The following MME variants were observed in gnomAD, a reference collection of about 807,000 sequenced individuals.
MME encodes neprilysin.
MME carries 98 observed loss-of-function variants against 113.2 expected under a neutral mutation model. That is an observed-to-expected ratio of 0.87 (90% CI 0.74 to 1.02). The LOEUF (loss-of-function observed/expected upper bound fraction) is 1.02. Among genes scored for constraint, MME ranks in the 50% least tolerant of loss-of-function variants. The probability of loss-of-function intolerance (pLI) is 0.00; values close to 1 mark genes in which losing one functional copy is unlikely to be tolerated. For synonymous variants in MME, 292 were observed against 300.6 expected, an observed-to-expected ratio of 0.97 and a Z score of 0.30; for missense variants, 836 against 896.0, an observed-to-expected ratio of 0.93 and a Z score of 0.86.
At chr3:155,146,736 T>G (rs1035793262) in intron 14 of MME, among the ~76,000 whole-genome samples, 7 of 152,154 alleles carry the variant, frequency 4.6e-5, no homozygotes, top group Non-Finnish European at 4.4e-5. Flanking sequence ...CCCATATCTG[T>G]TTTCTCAGTC....
At chr3:155,104,756 C>T (rs1717551696) in intron 3 of MME, among the ~76,000 whole-genome samples, 1 of 152,152 alleles carries the variant, frequency 6.6e-6, no homozygotes, top group African/African-American at 2.4e-5. Context: ...AACAATGTAG[C>T]CTTTTCATGA....
At chr3:155,090,483 TA>T (rs1716193003) in intron 3 of MME, 2 of 152,112 alleles carry the variant, frequency 1.3e-5, no homozygotes, top group African/African-American at 4.8e-5. Context: ...CAATAATTAA[TA>T]AAAAATAAAA....
intron 8 of MME, among the ~76,000 whole-genome samples, chr3:155,124,429 A>T (rs1484291997): frequency 6.6e-6 from 1 of 151,860 alleles, no homozygotes; most frequent in Non-Finnish European, 1.5e-5. Flanking sequence ...CGTCAAAGTC[A>T]TTCTCCATCC....
chr3:155,151,206 T>TA (rs1472329032), intron 16 of MME, among the ~76,000 whole-genome samples: 1 of 152,214 alleles, frequency 6.6e-6, no homozygotes, highest in Non-Finnish European at 1.5e-5. Flanking sequence ...AGCCCGTAGT[T>TA]ACATCTTAGA....
chr3:155,168,282 G>A (rs1246713771), intron 18 of MME, among the ~76,000 whole-genome samples: 1 of 152,118 alleles, frequency 6.6e-6, no homozygotes, highest in Non-Finnish European at 1.5e-5. Context: ...GAAATGTCTG[G>A]GTCAATGCTG....
upstream of MME, among the ~76,000 whole-genome samples, chr3:155,075,878 G>A (rs570910107): frequency 5.9e-5 from 9 of 152,154 alleles, no homozygotes; most frequent in East Asian, 3.9e-4. Flanking sequence ...TACACACCCC[G>A]TTGTCTGGTT....
chr3:155,151,764 A>G (rs1721951444), intron 16 of MME, among the ~76,000 whole-genome samples: 1 of 152,004 alleles, frequency 6.6e-6, no homozygotes, highest in Non-Finnish European at 1.5e-5. Context: ...TCAAATCTCC[A>G]TTTTAAAAAA....
intron 3 of MME, among the ~76,000 whole-genome samples, chr3:155,089,336 C>T (rs1716071896): frequency 6.6e-6 from 1 of 152,180 alleles, no homozygotes; most frequent in Non-Finnish European, 1.5e-5. Flanking sequence ...TTGTAACCTC[C>T]CTAACTTAGA....
At position 155,172,933 on chromosome 3, in the gene MME, G is replaced by T. The variant is rs531859561; in HGVS notation, c.2153+321G>T. Among the ~76,000 whole-genome samples the T allele has an allele frequency of 5.9e-5, 9 of 152,096 alleles. No individual in the cohort carries two copies. In the South Asian group the frequency reaches 1.7e-3, roughly 28 times the overall value. On this transcript the variant is annotated intron_variant, in intron 22 of 22. Transcript: ENST00000360490. ...AGCTAGAACAAAGATATTTCTAAGAGGCTGTGAATGGTTTAGGCCCAGACC... is the reference window on the plus strand; with the variant it reads ...AGCTAGAACAAAGATATTTCTAAGATGCTGTGAATGGTTTAGGCCCAGACC...
intron 1 of MME, among the ~76,000 whole-genome samples, chr3:155,036,107 GAGA>G (rs2108116825): frequency 6.6e-6 from 1 of 151,218 alleles, no homozygotes; most frequent in South Asian, 2.1e-4. Context: ...ATGAGAGAAA[GAGA>G]AGATTCCAGG....
upstream of MME, chr3:155,079,997 C>T (rs1714971823): frequency 6.6e-6 from 1 of 152,440 alleles, no homozygotes; most frequent in South Asian, 2.1e-4. Flanking sequence ...TCCCGAATCC[C>T]ACTGGTGAGT....
intron 1 of MME, among the ~76,000 whole-genome samples, chr3:155,069,238 A>G (rs542198874): frequency 1.1e-4 from 16 of 152,300 alleles, no homozygotes; most frequent in African/African-American, 1.7e-4. Context: ...AAGAGAAGAA[A>G]TGATGCTTTA....
At chr3:155,171,475 T>A (rs1226283696) in intron 20 of MME, among the ~76,000 whole-genome samples, 1 of 152,224 alleles carries the variant, frequency 6.6e-6, no homozygotes, top group African/African-American at 2.4e-5. Context: ...AGAGGAAAAC[T>A]CATTTTTTTC....
At chr3:155,027,804 T>A (rs149391739) in intron 1 of MME, among the ~76,000 whole-genome samples, 266 of 152,350 alleles carry the variant, frequency 1.7e-3, no homozygotes, top group African/African-American at 5.9e-3. Context: ...ATATGATTTA[T>A]AGTTTTATGC....
At chr3:155,038,581 A>C (rs1001299639) in intron 1 of MME, among the ~76,000 whole-genome samples, 1 of 152,182 alleles carries the variant, frequency 6.6e-6, no homozygotes, top group South Asian at 2.1e-4. Context: ...GAACTCACTC[A>C]TGATGTGGTT....
chr3:155,151,811 G>A (rs1027368657), intron 16 of MME, among the ~76,000 whole-genome samples: 4 of 152,008 alleles, frequency 2.6e-5, no homozygotes, highest in South Asian at 2.1e-4. Context: ...TAAATATTAC[G>A]TAGGAATGGG....
chr3:155,173,079 A>C (rs1226444427), intron 22 of MME, among the ~76,000 whole-genome samples: 1 of 152,164 alleles, frequency 6.6e-6, no homozygotes, highest in Non-Finnish European at 1.5e-5. Context: ...ATTGAAGCAC[A>C]GCCCATCAAG....
Position 155,172,723 on chromosome 3 carries a change from C to CT in MME, c.2153+125dup, listed in dbSNP as rs11445808. The CT allele has an allele frequency of 0.29, 183,271 of 626,262 alleles. 12,999 individuals are homozygous for CT. Among genetic ancestry groups the CT allele is most frequent in the African/African-American group, 0.56 (28,226 of 50,744 alleles). The allele number at this position is 626,262 out of a possible 1,614,324, so 38.8% of individuals were successfully genotyped here. A position where few individuals can be genotyped will look rare whatever the true frequency, so the allele number is the denominator to read the frequency against. On this transcript the variant is annotated intron_variant, in intron 22 of 22. Transcript: ENST00000360490. Reference sequence around the variant, plus strand: ...TTCTTTTACATTTGGAAATTCAGTGCTTTTTTTTTTTTTTGAGAGTCAAAG... The same window carrying CT: ...TTCTTTTACATTTGGAAATTCAGTGCTTTTTTTTTTTTTTTGAGAGTCAAAG...
At chr3:155,107,810 T>C (rs1717815189) in intron 3 of MME, among the ~76,000 whole-genome samples, 1 of 152,196 alleles carries the variant, frequency 6.6e-6, no homozygotes, top group African/African-American at 2.4e-5. Flanking sequence ...AAGGATCCTT[T>C]TTGTAGTCCA....
Sources: gnomAD v4.1 joint callset for allele counts (sites outside exome capture counted in the v4.1 genomes callset) on GRCh38, gnomAD v4.1.1 for gene constraint, MANE v1.5 for transcripts, NCBI Gene and HGNC (gene_info 2026-07-23, HGNC 2026-07-21) for gene names.